Variants in ADNP observed in about 807,000 individuals in gnomAD.
The protein encoded by ADNP is activity dependent neuroprotector homeobox, also known as activity-dependent neuroprotector homeobox protein.
A neutral mutation model predicts 84.9 loss-of-function variants in ADNP; 4 were observed. That is an observed-to-expected ratio of 0.05 (90% confidence interval 0.02 to 0.11). The LOEUF is 0.11. ADNP is among the 10% of genes least tolerant of loss of function. The pLI, the probability that ADNP is intolerant of heterozygous loss-of-function variation, is 1.00. For synonymous variants in ADNP, 554 were observed against 468.1 expected, an observed-to-expected ratio of 1.18 and a Z score of -2.37; for missense variants, 1,132 against 1,326.0, an observed-to-expected ratio of 0.85 and a Z score of 2.27.
chr20:50,897,698 C>G (rs113656522), intron 5 of ADNP, among the ~76,000 whole-genome samples: 2 of 152,178 alleles, frequency 1.3e-5, no homozygotes, highest in Non-Finnish European at 2.9e-5. Flanking sequence ...TCAGATAGTA[C>G]GCCTTAAAAG....
chr20:50,902,604 G>C (rs2122830438), intron 4 of ADNP, among the ~76,000 whole-genome samples: 1 of 152,256 alleles, frequency 6.6e-6, no homozygotes, highest in South Asian at 2.1e-4. Context: ...GCTATTCAAA[G>C]AAAGTTAAGC....
At chr20:50,914,289 T>G in intron 2 of ADNP, 1 of 699,374 alleles carries the variant, frequency 1.4e-6, no homozygotes, top group Non-Finnish European at 2.6e-6. Flanking sequence ...GAAGCAAAAC[T>G]GCTGGTGTCC....
At position 50,891,889 on chromosome 20, in the gene ADNP, G is replaced by C. The variant is rs768463704; in HGVS notation, c.2825C>G (p.Thr942Ser). The change falls in exon 6 of 6, where the codon ACT becomes AGT. Residue 942 changes from threonine (T) to serine (S), a missense_variant. Transcript: ENST00000621696. ...GTGCATTAGTTTGGTTGGTTCCTCA[G>C]TCAAATGAATAGTTTCGTATTTTGA... ...DGSKYETIHLTEEPTKLMHNA... is the reference protein window; with the variant it reads ...DGSKYETIHLSEEPTKLMHNA... 1 of 1,614,178 alleles carries C rather than the reference G, an allele frequency of 6.2e-7. No individual in the cohort carries two copies. The highest frequency in any genetic ancestry group is 1.1e-5 in the South Asian group (1 of 91,078).
In ADNP at chr20:50,892,615, G is replaced by A. The variant is rs111276169; in HGVS notation, c.2099C>T (p.Thr700Ile). ...CTGATTAAGCCGAGAGGGTGCATTT[G>A]TCTTATCCTGGCCATTTTGGGTCTT... ...VGKTQNGQDKTNAPSRLNQSP... is the reference protein window; with the variant it reads ...VGKTQNGQDKINAPSRLNQSP... Residue 700 changes from threonine (T) to isoleucine (I), a missense_variant, in exon 6 of 6, where the codon ACA (threonine) becomes ATA (isoleucine). Thr to Ile is a moderately conservative substitution (Grantham distance 89). Transcript: ENST00000621696. The A allele has an allele frequency of 1.2e-6, 2 of 1,614,202 alleles. No homozygotes were observed. The highest frequency in any genetic ancestry group is 8.5e-7 in the Non-Finnish European group (1 of 1,180,036).
intron 2 of ADNP, among the ~76,000 whole-genome samples, chr20:50,925,148 T>C (rs1329674893): frequency 1.3e-5 from 2 of 152,094 alleles, no homozygotes; most frequent in Non-Finnish European, 2.9e-5. Context: ...GACCCAGGAC[T>C]AAAAACAGTA....
At chr20:50,907,707 C>A (rs1360972790) in intron 2 of ADNP, among the ~76,000 whole-genome samples, 1 of 152,048 alleles carries the variant, frequency 6.6e-6, no homozygotes, top group Admixed American at 6.5e-5. Flanking sequence ...CTCAGCCCCA[C>A]CAGCTGGGAC....
Position 50,930,924 on chromosome 20 carries a change from G to A in ADNP, c.-363C>T, listed in dbSNP as rs1301074518. ...TGGCGGCGGCACGGCGGTGGCGGCA[G>A]CGGGGAGGGCGCGCCCGGGGCCTCG... On this transcript the variant is annotated 5_prime_UTR_variant, in exon 1 of 6. Coordinates refer to ENST00000621696, the MANE Select transcript of ADNP (RefSeq NM_001282531.3). 7.0e-6 allele frequency: 1 copy of A among 142,448 alleles called. No individual in the cohort carries two copies. The highest frequency in any genetic ancestry group is 2.5e-5 in the African/African-American group (1 of 39,302). The allele number at this position is 142,448 out of a possible 1,614,324, so 8.8% of individuals were successfully genotyped here.
At chr20:50,917,992 G>A (rs1983643306) in intron 2 of ADNP, among the ~76,000 whole-genome samples, 1 of 152,110 alleles carries the variant, frequency 6.6e-6, no homozygotes, top group East Asian at 1.9e-4. Context: ...GAGGTACTTA[G>A]AATAAACAAA....
chr20:50,914,591 G>A (rs1308204210), intron 2 of ADNP, among the ~76,000 whole-genome samples: 1 of 152,168 alleles, frequency 6.6e-6, no homozygotes, highest in East Asian at 1.9e-4. Flanking sequence ...CTGAGTAACT[G>A]CTGACTGTTC....
intron 2 of ADNP, among the ~76,000 whole-genome samples, chr20:50,926,965 CTTT>C (rs1319853800): frequency 6.6e-6 from 1 of 152,080 alleles, no homozygotes; most frequent in Non-Finnish European, 1.5e-5. Flanking sequence ...AAAATACTAA[CTTT>C]TTAATACTTT....
chr20:50,902,253 GCT>G, intron 4 of ADNP, 144 bp from the exon 5 acceptor site: 1 of 595,164 alleles, frequency 1.7e-6, no homozygotes, highest in Middle Eastern at 4.5e-4. Flanking sequence ...GAGTGATAAG[GCT>G]CTTAAATATA....
Position 50,891,421 on chromosome 20 carries a change from C to T in ADNP, c.3293G>A (p.Ser1098Asn), listed in dbSNP as rs2122733114. The T allele has an allele frequency of 5.6e-6, 9 of 1,607,468 alleles. No homozygotes were observed. The highest frequency in any genetic ancestry group is 5.9e-6 in the Non-Finnish European group (7 of 1,177,628). ...MHGSLAGVKL[S>N]SQQA is the part of the protein sequence containing the mutation. ...ACCTGGCACTTAGGCCTGTTGGCTGCTCAGTTTAACTCCGGCTAAGCTGCC... is the reference window on the plus strand; with the variant it reads ...ACCTGGCACTTAGGCCTGTTGGCTGTTCAGTTTAACTCCGGCTAAGCTGCC... Residue 1098 changes from serine (S) to asparagine (N), a missense_variant, in exon 6 of 6, where the codon AGC becomes AAC. Coordinates refer to ENST00000621696, the MANE Select transcript of ADNP (RefSeq NM_001282531.3).
At chr20:50,911,193 G>C (rs867723775) in intron 2 of ADNP, among the ~76,000 whole-genome samples, 1 of 152,182 alleles carries the variant, frequency 6.6e-6, no homozygotes, top group Non-Finnish European at 1.5e-5. Flanking sequence ...CATGATATTT[G>C]TATCTGTGCA....
chr20:50,892,018 A>C lies in ADNP; in HGVS notation c.2696T>G (p.Val899Gly). 3 of 1,614,148 alleles carry C rather than the reference A, an allele frequency of 1.9e-6. No homozygotes were observed. The highest frequency in any genetic ancestry group is 2.5e-6 in the Non-Finnish European group (3 of 1,180,028). The change falls in exon 6 of 6, where the codon GTT becomes GGT. Residue 899 changes from valine to glycine, a missense_variant. By Grantham distance (109) the Val-to-Gly change is moderately radical. Coordinates refer to ENST00000621696, the MANE Select transcript of ADNP (RefSeq NM_001282531.3). ...GTTATCGTTAGAGATTTTAGGTTCAACTTCAAAAACAGGGTCAAAAGGGCT... is the reference window on the plus strand; with the variant it reads ...GTTATCGTTAGAGATTTTAGGTTCACCTTCAAAAACAGGGTCAAAAGGGCT... ...SGSPFDPVFE[V>G]EPKISNDNPE... is the part of the protein sequence containing the mutation.
At chr20:50,898,201 C>A (rs1981610432) in intron 5 of ADNP, among the ~76,000 whole-genome samples, 1 of 152,306 alleles carries the variant, frequency 6.6e-6, no homozygotes, top group South Asian at 2.1e-4. Flanking sequence ...TCTAGAGTTT[C>A]CCAAAATTCT....
intron 2 of ADNP, chr20:50,905,531 A>G (rs764743520): frequency 6.6e-6 from 1 of 152,204 alleles, no homozygotes; most frequent in Admixed American, 6.5e-5. Flanking sequence ...AGAAAGAGTG[A>G]AATCTACCAA....
Position 50,892,482 on chromosome 20 carries a change from C to T in ADNP, c.2232G>A (p.Glu744=). The T allele has an allele frequency of 6.2e-7, 1 of 1,614,194 alleles. No individual in the cohort carries two copies. The highest frequency in any genetic ancestry group is 2.2e-5 in the East Asian group (1 of 44,878). Residue 744 remains glutamate, a synonymous_variant, in exon 6 of 6, where the codon GAG becomes GAA. Coordinates refer to ENST00000621696, the MANE Select transcript of ADNP (RefSeq NM_001282531.3). ...DDSDSPSFFE[E]KPEEPVVLAL... ...CTAAAACAACAGGCTCTTCAGGCTT[C>T]TCTTCAAAGAAGCTGGGTGAATCAC...
chr20:50,889,662 C>A lies in ADNP; in HGVS notation c.*1743G>T, dbSNP rs781688598. 1.0e-5 allele frequency: 4 copies of A among 385,560 alleles called. No homozygotes were observed. Among genetic ancestry groups the A allele is most frequent in the Non-Finnish European group, 1.8e-5 (4 of 218,452 alleles). The allele number at this position is 385,560 out of a possible 1,614,324, so 23.9% of individuals were successfully genotyped here. A position where few individuals can be genotyped will look rare whatever the true frequency, so the allele number is the denominator to read the frequency against. On this transcript the variant is annotated 3_prime_UTR_variant, in exon 6 of 6. Coordinates refer to ENST00000621696, the MANE Select transcript of ADNP (RefSeq NM_001282531.3). ...ACTTCAGACTTCTTTAGGCCACTAT[C>A]CTTGAGGTGACTGACCAGCCTCCTC...
Position 50,894,223 on chromosome 20 carries a change from A to G in ADNP, c.491T>C (p.Val164Ala), listed in dbSNP as rs1981145937. Residue 164 changes from valine to alanine, a missense_variant, in exon 6 of 6, where the codon GTT (valine) becomes GCT (alanine). Val to Ala is a moderately conservative substitution (Grantham distance 64). Around this residue, in one of 10 missense-constraint regions of ADNP, gnomAD observed 130 missense variants for 183.7 expected, o/e 0.71. Coordinates refer to ENST00000621696, the MANE Select transcript of ADNP (RefSeq NM_001282531.3). ...GTAAGTGCACTTCTTACAGTAATAAACAGCTTGCTCTACACTGTCAGCCTG... is the reference window on the plus strand; with the variant it reads ...GTAAGTGCACTTCTTACAGTAATAAGCAGCTTGCTCTACACTGTCAGCCTG... ...PKQADSVEQA[V>A]YYCKKCTYRD... The G allele has an allele frequency of 1.2e-6, 2 of 1,613,838 alleles. No homozygotes were observed. Among genetic ancestry groups the G allele is most frequent in the Non-Finnish European group, 1.7e-6 (2 of 1,179,934 alleles).
Sources: allele counts gnomAD v4.1 joint callset (sites outside exome capture counted in the v4.1 genomes callset), GRCh38; gene constraint gnomAD v4.1.1; regional missense constraint gnomAD v4.1.1; transcripts MANE v1.5; gene names NCBI Gene and HGNC (gene_info 2026-07-23, HGNC 2026-07-21).